The following HAO1 variants were observed in gnomAD, a reference collection of about 807,000 sequenced individuals.
HAO1 encodes the protein hydroxyacid oxidase 1.
Under a neutral mutation model 39.7 loss-of-function variants are expected in HAO1, and 34 were observed. The observed-to-expected ratio is 0.86, with a 90% CI of 0.65 to 1.14. The LOEUF is 1.14. HAO1 is among the 50% of genes most tolerant of loss of function. The probability of loss-of-function intolerance (pLI) is 0.00; values close to 1 mark genes in which losing one functional copy is unlikely to be tolerated. For synonymous variants in HAO1, 172 were observed against 173.2 expected (o/e 0.99, Z 0.05); for missense variants, 479 against 464.5 (o/e 1.03, Z -0.29).
chr20:7,890,669 C>T (rs1388794459), intron 5 of HAO1, among the ~76,000 whole-genome samples: 3 of 152,012 alleles, frequency 2.0e-5, no homozygotes, highest in African/African-American at 7.2e-5. Flanking sequence ...TACACTGCAC[C>T]ATATTTGTTG....
intron 3 of HAO1, 122 bp from the exon 4 acceptor site, chr20:7,906,451 T>G: frequency 1.6e-6 from 1 of 636,414 alleles, no homozygotes; most frequent in Admixed American, 2.7e-5. Context: ...CATTTATCTA[T>G]AAGTCAATTG....
chr20:7,923,914 T>C (rs1265399311), intron 2 of HAO1, among the ~76,000 whole-genome samples: 1 of 152,112 alleles, frequency 6.6e-6, no homozygotes, highest in Non-Finnish European at 1.5e-5. Flanking sequence ...CTGAGCAAAG[T>C]TGGGGCTCAT....
chr20:7,904,060 G>T (rs567407142), intron 4 of HAO1, among the ~76,000 whole-genome samples: 1 of 152,098 alleles, frequency 6.6e-6, no homozygotes, highest in South Asian at 2.1e-4. Context: ...AGATTGAAAA[G>T]GTGGTTAAAA....
Position 7,934,482 on chromosome 20 carries a change from A to G in HAO1, c.289+2T>C. On this transcript the variant is annotated splice_donor_variant, in intron 2 of 7. Transcript: ENST00000378789. LOFTEE classifies it high-confidence loss of function. ...TCCCTGTGGTGACAATCTTCCTCCTACCTCTCACAGTGGCAAGCTCGCCGT... is the reference window on the plus strand; with the variant it reads ...TCCCTGTGGTGACAATCTTCCTCCTGCCTCTCACAGTGGCAAGCTCGCCGT... The G allele has an allele frequency of 6.2e-7, 1 of 1,606,756 alleles. No homozygotes were observed. Among genetic ancestry groups the G allele is most frequent in the South Asian group, 1.1e-5 (1 of 89,912 alleles).
At chr20:7,889,554 T>C (rs548593947) in intron 5 of HAO1, among the ~76,000 whole-genome samples, 2 of 152,268 alleles carry the variant, frequency 1.3e-5, no homozygotes, top group East Asian at 3.9e-4. Flanking sequence ...TATTTTTTAG[T>C]TTTTCTGGGG....
intron 2 of HAO1, among the ~76,000 whole-genome samples, chr20:7,930,735 C>T (rs1056484920): frequency 6.6e-6 from 1 of 152,192 alleles, no homozygotes; most frequent in Non-Finnish European, 1.5e-5. Flanking sequence ...AGGTATTTAT[C>T]CACCTACTGC....
At chr20:7,933,794 C>G (rs1413245518) in intron 2 of HAO1, among the ~76,000 whole-genome samples, 3 of 152,152 alleles carry the variant, frequency 2.0e-5, no homozygotes, top group African/African-American at 7.2e-5. Flanking sequence ...TTCAAATGTT[C>G]ACAGTTGCTA....
chr20:7,910,673 C>A (rs7269011), intron 3 of HAO1, among the ~76,000 whole-genome samples: 2,815 of 152,212 alleles, frequency 0.018, 70 homozygotes, highest in African/African-American at 0.056. Context: ...CTGATAAAAA[C>A]AGGAAAAATC....
chr20:7,920,753 C>T (rs1029790968), intron 2 of HAO1, among the ~76,000 whole-genome samples: 9 of 152,088 alleles, frequency 5.9e-5, no homozygotes, highest in African/African-American at 2.2e-4. Flanking sequence ...ACATACACCT[C>T]ATTCTTTATC....
At chr20:7,937,830 G>A (rs999612760) in intron 1 of HAO1, among the ~76,000 whole-genome samples, 31 of 152,048 alleles carry the variant, frequency 2.0e-4, no homozygotes, top group African/African-American at 7.2e-4. Flanking sequence ...AAGAAATTTT[G>A]TTCTGGGTGG....
At chr20:7,904,283 T>G (rs1022632520) in intron 4 of HAO1, among the ~76,000 whole-genome samples, 3 of 152,160 alleles carry the variant, frequency 2.0e-5, no homozygotes, top group Non-Finnish European at 4.4e-5. Context: ...CAACAACATT[T>G]CCTAAATGTC....
At chr20:7,917,164 A>G (rs373705706) in intron 2 of HAO1, among the ~76,000 whole-genome samples, 1 of 151,826 alleles carries the variant, frequency 6.6e-6, no homozygotes, top group East Asian at 1.9e-4. Context: ...ACATGATAAA[A>G]CCCTATCTCT....
chr20:7,903,292 T>A (rs1456156015), intron 4 of HAO1, among the ~76,000 whole-genome samples: 1 of 21,058 alleles, frequency 4.7e-5, no homozygotes, highest in African/African-American at 1.3e-4. Context: ...CTCCTTATCT[T>A]TTTTTTTTTT....
At chr20:7,890,794 G>A (rs967050704) in intron 5 of HAO1, among the ~76,000 whole-genome samples, 16 of 152,010 alleles carry the variant, frequency 1.1e-4, no homozygotes, top group African/African-American at 3.6e-4. Flanking sequence ...GAGAACATAC[G>A]ATGTTTGGTT....
intron 2 of HAO1, among the ~76,000 whole-genome samples, chr20:7,923,459 T>C (rs1364545677): frequency 6.6e-6 from 1 of 152,198 alleles, no homozygotes; most frequent in African/African-American, 2.4e-5. Context: ...TAAGCCTGCC[T>C]GTCCCAGGTT....
intron 4 of HAO1, among the ~76,000 whole-genome samples, chr20:7,897,327 T>C (rs772586245): frequency 6.6e-6 from 1 of 152,212 alleles, no homozygotes; most frequent in Non-Finnish European, 1.5e-5. Context: ...ATTATCAGCA[T>C]TCGGAAATTG....
intron 2 of HAO1, among the ~76,000 whole-genome samples, chr20:7,915,470 C>T (rs2050302537): frequency 6.6e-6 from 1 of 152,192 alleles, no homozygotes; most frequent in South Asian, 2.1e-4. Flanking sequence ...GGAACTGCAA[C>T]ATCAACATTT....
chr20:7,906,456 CA>C, intron 3 of HAO1, 127 bp from the exon 4 acceptor site: 1 of 625,388 alleles, frequency 1.6e-6, no homozygotes, highest in East Asian at 2.7e-5. Flanking sequence ...ATCTATAAGT[CA>C]ATTGCACACA....
intron 3 of HAO1, among the ~76,000 whole-genome samples, chr20:7,908,298 A>G (rs138653939): frequency 2.4e-3 from 364 of 151,516 alleles, no homozygotes; most frequent in African/African-American, 7.8e-3. Flanking sequence ...AGGCTGAGGC[A>G]CGAGAATCGC....
Sources: allele counts gnomAD v4.1 joint callset (sites outside exome capture counted in the v4.1 genomes callset), GRCh38; gene constraint gnomAD v4.1.1; transcripts MANE v1.5; gene names NCBI Gene and HGNC (gene_info 2026-07-23, HGNC 2026-07-21).